The following ULK4 variants were observed in gnomAD, a reference collection of about 807,000 sequenced individuals.
The protein encoded by ULK4 is inactive serine/threonine-protein kinase ULK4.
In ULK4, 133 loss-of-function variants were observed where a neutral mutation model predicts 160.6. That is an observed-to-expected ratio of 0.83 (90% confidence interval 0.72 to 0.96). ULK4 has a LOEUF of 0.96. Among genes scored for constraint, ULK4 ranks in the 40% least tolerant of loss-of-function variants. The pLI, the probability that ULK4 is intolerant of heterozygous loss-of-function variation, is 0.00. For synonymous variants in ULK4, 534 were observed against 539.8 expected, an observed-to-expected ratio of 0.99 and a Z score of 0.15; for missense variants, 1,580 against 1,499.5, an observed-to-expected ratio of 1.05 and a Z score of -0.89.
chr3:41,353,699 TTACTACTACTAC>T (rs4016416), intron 35 of ULK4, among the ~76,000 whole-genome samples: 2,359 of 143,938 alleles, frequency 0.016, 31 homozygotes, highest in African/African-American at 0.03. Flanking sequence ...ATAATTACAA[TTACTACTACTAC>T]TACTACTACT....
chr3:41,664,503 A>G (rs1475093262), intron 29 of ULK4, among the ~76,000 whole-genome samples: 2 of 152,044 alleles, frequency 1.3e-5, no homozygotes, highest in Admixed American at 6.6e-5. Flanking sequence ...TGAGTACTCA[A>G]TGGCCAAAGT....
chr3:41,431,547 C>CCTTTTTT (rs563543377), intron 34 of ULK4, among the ~76,000 whole-genome samples: 13 of 95,852 alleles, frequency 1.4e-4, no homozygotes, highest in African/African-American at 2.5e-4. Flanking sequence ...AATTCCCTCC[C>CCTTTTTT]TTTTTTTTTT....
intron 16 of ULK4, among the ~76,000 whole-genome samples, chr3:41,886,662 G>A (rs562036458): frequency 2.0e-5 from 3 of 150,866 alleles, no homozygotes; most frequent in South Asian, 4.2e-4. Flanking sequence ...TGCACCCTCC[G>A]CCTCCTGGGT....
At chr3:41,781,725 G>T (rs2039846695) in intron 21 of ULK4, among the ~76,000 whole-genome samples, 1 of 152,122 alleles carries the variant, frequency 6.6e-6, no homozygotes, top group Non-Finnish European at 1.5e-5. Context: ...GATCACCTGA[G>T]GTCAGGAGTT....
At chr3:41,620,298 A>T (rs1180566801) in intron 30 of ULK4, among the ~76,000 whole-genome samples, 1 of 152,184 alleles carries the variant, frequency 6.6e-6, no homozygotes, top group Non-Finnish European at 1.5e-5. Flanking sequence ...CCTGGCAGAG[A>T]CACAACAAAA....
intron 32 of ULK4, among the ~76,000 whole-genome samples, chr3:41,552,069 A>G (rs1009610742): frequency 6.6e-6 from 1 of 152,024 alleles, no homozygotes; most frequent in African/African-American, 2.4e-5. Context: ...TCTCTTCATG[A>G]TAAAAACTCT....
At chr3:41,605,429 T>C (rs1308551689) in intron 31 of ULK4, among the ~76,000 whole-genome samples, 1 of 151,866 alleles carries the variant, frequency 6.6e-6, no homozygotes, top group African/African-American at 2.4e-5. Flanking sequence ...TGTCTCACAC[T>C]AACCAAAAAA....
chr3:41,408,616 A>G (rs541531478), intron 34 of ULK4, among the ~76,000 whole-genome samples: 1 of 152,198 alleles, frequency 6.6e-6, no homozygotes, highest in East Asian at 1.9e-4. Flanking sequence ...GTTGATCCTA[A>G]AATTCATATG....
intron 7 of ULK4, among the ~76,000 whole-genome samples, chr3:41,917,713 G>A (rs1699016286): frequency 6.6e-6 from 1 of 152,138 alleles, no homozygotes; most frequent in African/African-American, 2.4e-5. Flanking sequence ...CGGGCGCAGT[G>A]GCTCACGCCT....
intron 17 of ULK4, among the ~76,000 whole-genome samples, chr3:41,841,396 G>C (rs1033057126): frequency 6.6e-6 from 1 of 150,674 alleles, no homozygotes; most frequent in Non-Finnish European, 1.5e-5. Flanking sequence ...CCTTCGTGTG[G>C]GAGGTAGAGA....
chr3:41,302,538 A>G (rs1439922135), intron 35 of ULK4, among the ~76,000 whole-genome samples: 2 of 152,216 alleles, frequency 1.3e-5, no homozygotes, highest in African/African-American at 4.8e-5. Context: ...TGCTCTAAAG[A>G]GGCAGTTTCA....
At chr3:41,841,438 T>C (rs2041924739) in intron 17 of ULK4, among the ~76,000 whole-genome samples, 1 of 143,192 alleles carries the variant, frequency 7.0e-6, no homozygotes, top group Non-Finnish European at 1.5e-5. Flanking sequence ...GTCTGGGAAG[T>C]GGGCACCTCT....
intron 21 of ULK4, among the ~76,000 whole-genome samples, chr3:41,755,351 C>A (rs566284904): frequency 6.6e-6 from 1 of 152,094 alleles, no homozygotes; most frequent in African/African-American, 2.4e-5. Flanking sequence ...GAAGAATTTA[C>A]ATAGTCATGT....
Position 41,279,349 on chromosome 3 carries a change from A to C in ULK4, c.3679-29775T>G, listed in dbSNP as rs137933234. Among the ~76,000 whole-genome samples, 826 of 152,186 alleles carry C rather than the reference A, an allele frequency of 5.4e-3. 8 individuals are homozygous for C. The highest frequency in any genetic ancestry group is 0.019 in the African/African-American group (776 of 41,502). On this transcript the variant is annotated intron_variant, in intron 35 of 36. Coordinates refer to ENST00000301831, the MANE Select transcript of ULK4 (RefSeq NM_017886.4). Reference sequence around the variant, plus strand: ...ATCTACGTTTGATTGATGTACCTGAAAATGACGGGGAGAATGGGACCAAGT... The same window carrying C: ...ATCTACGTTTGATTGATGTACCTGACAATGACGGGGAGAATGGGACCAAGT...
chr3:41,530,733 A>C (rs1313255074), intron 32 of ULK4, among the ~76,000 whole-genome samples: 1 of 152,160 alleles, frequency 6.6e-6, no homozygotes, highest in Non-Finnish European at 1.5e-5. Flanking sequence ...AACTGAATAC[A>C]TTCTCCTCAA....
At position 41,736,768 on chromosome 3, in the gene ULK4, A is replaced by T. The variant is rs1431158643; in HGVS notation, c.2321+17593T>A. 4.3e-4 allele frequency among the ~76,000 whole-genome samples: 65 copies of T among 151,532 alleles called. 1 individual carries two copies. Among genetic ancestry groups the T allele is most frequent in the African/African-American group, 1.4e-3 (57 of 40,908 alleles). Reference sequence around the variant, plus strand: ...TGTTTTAGACATGAAGTCCTTGCCCATGCCTATGTCCTGAATGGTATTGCC... The same window carrying T: ...TGTTTTAGACATGAAGTCCTTGCCCTTGCCTATGTCCTGAATGGTATTGCC... On this transcript the variant is annotated intron_variant, in intron 22 of 36. Transcript: ENST00000301831.
intron 32 of ULK4, among the ~76,000 whole-genome samples, chr3:41,565,032 C>G (rs764876890): frequency 2.0e-5 from 3 of 152,152 alleles, no homozygotes; most frequent in African/African-American, 7.2e-5. Flanking sequence ...ATACTTACAC[C>G]TCTGTGTTAA....
intron 12 of ULK4, among the ~76,000 whole-genome samples, chr3:41,906,044 C>T (rs1192224950): frequency 6.6e-6 from 1 of 151,764 alleles, no homozygotes; most frequent in Admixed American, 6.6e-5. Context: ...GGTGAAACCC[C>T]GTCTGCACTA....
intron 8 of ULK4, 76 bp from the exon 9 acceptor site, chr3:41,912,975 A>G (rs1698840456): frequency 1.5e-6 from 2 of 1,307,738 alleles, no homozygotes; most frequent in Non-Finnish European, 2.2e-6. Flanking sequence ...TGTCCCAATT[A>G]CACATAGCAG....
Sources: allele counts gnomAD v4.1 joint callset (sites outside exome capture counted in the v4.1 genomes callset), GRCh38; gene constraint gnomAD v4.1.1; transcripts MANE v1.5; gene names NCBI Gene and HGNC (gene_info 2026-07-23, HGNC 2026-07-21).